The following TLK2 variants were observed in gnomAD, a reference collection of about 807,000 sequenced individuals.
The protein encoded by TLK2 is serine/threonine-protein kinase tousled-like 2.
TLK2 carries 6 observed loss-of-function variants against 117.3 expected under a neutral mutation model. The observed-to-expected ratio is 0.05, with a 90% CI of 0.03 to 0.10. The LOEUF (loss-of-function observed/expected upper bound fraction) is 0.10, where lower values mean the gene tolerates loss of function less well. Among genes scored for constraint, TLK2 ranks in the 10% least tolerant of loss-of-function variants. The probability of loss-of-function intolerance (pLI) is 1.00; values close to 1 mark genes in which losing one functional copy is unlikely to be tolerated. For synonymous variants in TLK2, 257 were observed against 316.7 expected (o/e 0.81, Z 2.00); for missense variants, 299 against 901.2 (o/e 0.33, Z 8.56).
intron 16 of TLK2, among the ~76,000 whole-genome samples, chr17:62,591,473 C>A (rs77620544): frequency 2.0e-5 from 3 of 151,130 alleles, no homozygotes; most frequent in African/African-American, 7.3e-5. Context: ...CCAGTGGTGC[C>A]GAAACCGAAG....
chr17:62,488,359 A>G (rs923258936), intron 2 of TLK2, among the ~76,000 whole-genome samples: 3 of 152,060 alleles, frequency 2.0e-5, no homozygotes, highest in African/African-American at 7.3e-5. Context: ...TCATTGCAGC[A>G]ATTAGAAGCT....
intron 19 of TLK2, among the ~76,000 whole-genome samples, chr17:62,604,850 T>C (rs1568011701): frequency 6.6e-6 from 1 of 151,362 alleles, no homozygotes; most frequent in Non-Finnish European, 1.5e-5. Context: ...AGCCTGGCAA[T>C]GGAGCGAGAC....
intron 17 of TLK2, among the ~76,000 whole-genome samples, chr17:62,598,700 T>G (rs2082659574): frequency 6.6e-6 from 1 of 151,820 alleles, no homozygotes; most frequent in Admixed American, 6.6e-5. Flanking sequence ...AATTTTTGTA[T>G]TTTTAGTAGA....
chr17:62,506,637 G>A (rs1239551794), intron 2 of TLK2, among the ~76,000 whole-genome samples: 1 of 152,058 alleles, frequency 6.6e-6, no homozygotes, highest in African/African-American at 2.4e-5. Context: ...TTTAAATCTA[G>A]ATTATGTTCA....
chr17:62,526,216 T>C (rs537586940), intron 6 of TLK2, among the ~76,000 whole-genome samples: 2 of 152,314 alleles, frequency 1.3e-5, no homozygotes, highest in East Asian at 1.9e-4. Context: ...CAACTCAGCA[T>C]GGTTGGAGGA....
intron 16 of TLK2, among the ~76,000 whole-genome samples, chr17:62,590,443 A>G (rs1401371821): frequency 6.6e-6 from 1 of 152,168 alleles, no homozygotes; most frequent in East Asian, 1.9e-4. Context: ...ACTCCGTCTC[A>G]AAAACAAAAA....
At chr17:62,526,642 C>T (rs1418048080) in intron 6 of TLK2, among the ~76,000 whole-genome samples, 1 of 152,132 alleles carries the variant, frequency 6.6e-6, no homozygotes, top group Non-Finnish European at 1.5e-5. Context: ...CTTTCCCTTC[C>T]CTACCATAAC....
At chr17:62,531,456 T>G (rs1186248305) in intron 6 of TLK2, among the ~76,000 whole-genome samples, 6 of 152,250 alleles carry the variant, frequency 3.9e-5, no homozygotes, top group African/African-American at 1.4e-4. Flanking sequence ...TAAAATATGG[T>G]AGACACAATT....
chr17:62,609,803 A>C (rs1457388876), intron 21 of TLK2, among the ~76,000 whole-genome samples: 2 of 152,238 alleles, frequency 1.3e-5, no homozygotes, highest in African/African-American at 4.8e-5. Flanking sequence ...AAACAGAGAC[A>C]AAAACATCTT....
chr17:62,581,574 A>T (rs970265798), intron 15 of TLK2, among the ~76,000 whole-genome samples: 2 of 151,182 alleles, frequency 1.3e-5, no homozygotes, highest in Non-Finnish European at 2.9e-5. Context: ...AAGTGCTGGG[A>T]TTACAGGTGT....
intron 2 of TLK2, among the ~76,000 whole-genome samples, chr17:62,490,283 C>G (rs2072972182): frequency 6.6e-6 from 1 of 152,238 alleles, no homozygotes; most frequent in Non-Finnish European, 1.5e-5. Context: ...GTTTTCTTAT[C>G]TAAATACTTG....
chr17:62,598,827 G>A (rs573028319), intron 17 of TLK2, among the ~76,000 whole-genome samples: 2 of 152,284 alleles, frequency 1.3e-5, no homozygotes, highest in African/African-American at 2.4e-5. Context: ...CTGGCTGAAA[G>A]TGAGGCTTTA....
At chr17:62,596,158 T>G (rs6504111) in intron 16 of TLK2, among the ~76,000 whole-genome samples, 10 of 152,078 alleles carry the variant, frequency 6.6e-5, no homozygotes, top group South Asian at 2.1e-4. Context: ...GCTCACTGCA[T>G]CCTCCAACTC....
At chr17:62,548,127 T>C (rs1358795800) in intron 7 of TLK2, among the ~76,000 whole-genome samples, 1 of 152,050 alleles carries the variant, frequency 6.6e-6, no homozygotes, top group Admixed American at 6.6e-5. Context: ...CGCACACTGT[T>C]TTTTGTTTAC....
chr17:62,596,466 C>G, intron 16 of TLK2, 119 bp from the exon 17 acceptor site: 1 of 741,204 alleles, frequency 1.3e-6, no homozygotes, highest in Non-Finnish European at 2.3e-6. Context: ...CCAGATGGAC[C>G]TGAATGGAAT....
At chr17:62,561,699 A>G (rs574599900) in intron 10 of TLK2, among the ~76,000 whole-genome samples, 1 of 152,232 alleles carries the variant, frequency 6.6e-6, no homozygotes, top group Non-Finnish European at 1.5e-5. Flanking sequence ...TACTGGGGGA[A>G]ATTTTGTTTC....
intron 20 of TLK2, among the ~76,000 whole-genome samples, chr17:62,607,332 A>G (rs963889780): frequency 7.3e-5 from 11 of 151,552 alleles, no homozygotes; most frequent in African/African-American, 2.7e-4. Context: ...ATCCTGACTA[A>G]CATGGTGAAA....
chr17:62,573,772 T>C (rs1413344415), intron 12 of TLK2, among the ~76,000 whole-genome samples: 1 of 152,356 alleles, frequency 6.6e-6, no homozygotes, highest in East Asian at 1.9e-4. Context: ...AAAGAGCACT[T>C]AGTTAATAGT....
intron 2 of TLK2, among the ~76,000 whole-genome samples, chr17:62,491,843 C>G (rs1233045218): frequency 6.6e-6 from 1 of 152,204 alleles, no homozygotes; most frequent in African/African-American, 2.4e-5. Context: ...CTTGGCCTCC[C>G]AAAGCACTGG....
Sources: allele counts gnomAD v4.1 joint callset (sites outside exome capture counted in the v4.1 genomes callset), GRCh38; gene constraint gnomAD v4.1.1; transcripts MANE v1.5; gene names NCBI Gene and HGNC (gene_info 2026-07-23, HGNC 2026-07-21).